RNF38: variants seen among roughly 807,000 people sequenced by gnomAD.
RNF38 encodes E3 ubiquitin-protein ligase RNF38.
In RNF38, 15 loss-of-function variants were observed where a neutral mutation model predicts 67.2. That is an observed-to-expected ratio of 0.22 (90% confidence interval 0.15 to 0.34). RNF38 has a LOEUF of 0.34. Ranked by LOEUF, RNF38 falls within the 10% of genes least tolerant of loss-of-function variation. The pLI, the probability that RNF38 is intolerant of heterozygous loss-of-function variation, is 1.00. For missense variants in RNF38, 524 were observed against 639.9 expected, an observed-to-expected ratio of 0.82 and a Z score of 1.95; for synonymous variants, 220 against 218.8, an observed-to-expected ratio of 1.01 and a Z score of -0.05.
At chr9:36,418,515 G>A (rs567470955) in intron 2 of RNF38, among the ~76,000 whole-genome samples, 2 of 145,314 alleles carry the variant, frequency 1.4e-5, no homozygotes, top group Admixed American at 7.3e-5. Context: ...GCTGGGCGCA[G>A]TGGCTCATGC....
chr9:36,382,480 T>A (rs764397187), intron 2 of RNF38, among the ~76,000 whole-genome samples: 1 of 152,176 alleles, frequency 6.6e-6, no homozygotes, highest in Non-Finnish European at 1.5e-5. Flanking sequence ...TAATTCCAGA[T>A]GAACAAGTCA....
chr9:36,361,638 GTTC>G (rs1834544869), intron 4 of RNF38, among the ~76,000 whole-genome samples: 1 of 152,148 alleles, frequency 6.6e-6, no homozygotes, highest in African/African-American at 2.4e-5. Flanking sequence ...AGTTCTGATA[GTTC>G]TTCACTTTCA....
At chr9:36,353,743 A>G (rs573137934) in intron 6 of RNF38, among the ~76,000 whole-genome samples, 1 of 152,338 alleles carries the variant, frequency 6.6e-6, no homozygotes, top group East Asian at 1.9e-4. Context: ...GCATTTATAA[A>G]TCAGAAACAG....
Position 36,395,228 on chromosome 9 carries a change from T to C in RNF38, c.13-4612A>G, listed in dbSNP as rs139331921. ...ACTTTTCTTGGAGACTTGCAGGTAT[T>C]ATTAGTAATTATCGCACTAAAATTA... On this transcript the variant is annotated intron_variant, in intron 1 of 11. Coordinates refer to ENST00000259605, the MANE Select transcript of RNF38 (RefSeq NM_022781.5). Among the ~76,000 whole-genome samples the C allele has an allele frequency of 9.9e-4, 151 of 152,316 alleles. 1 individual carries two copies. The highest frequency in any genetic ancestry group is 3.5e-3 in the Admixed American group (54 of 15,292).
intron 2 of RNF38, among the ~76,000 whole-genome samples, chr9:36,387,136 C>T (rs548624627): frequency 5.3e-4 from 80 of 152,124 alleles, no homozygotes; most frequent in Non-Finnish European, 9.8e-4. Context: ...CATGAATAAT[C>T]CACCCCGTGT....
At chr9:36,437,731 T>G (rs1443141881) in intron 1 of RNF38, among the ~76,000 whole-genome samples, 1 of 152,124 alleles carries the variant, frequency 6.6e-6, no homozygotes, top group Non-Finnish European at 1.5e-5. Flanking sequence ...TAAAGTAACT[T>G]GTCAAGATGG....
chr9:36,369,813 C>G lies in RNF38; in HGVS notation c.476G>C (p.Arg159Pro), dbSNP rs1207304243. ...AGATACATTCGGAGGGTGGAAGGCT[C>G]GAGGCTCCTCTATTGCTTGCTGCTG... The part of the protein sequence containing the change: ...YAQQQAIEEP[R>P]AFHPPNVSPR... Residue 159 changes from arginine to proline, a missense_variant, in exon 4 of 12, where the codon CGA becomes CCA. Physicochemically the swap from Arg to Pro is moderately radical, Grantham distance 103 (BLOSUM62 -2). Transcript: ENST00000259605. 2.5e-6 allele frequency: 4 copies of G among 1,613,734 alleles called. No individual in the cohort carries two copies. The highest frequency in any genetic ancestry group is 2.2e-5 in the East Asian group (1 of 44,876).
intron 1 of RNF38, among the ~76,000 whole-genome samples, chr9:36,397,011 ATGTG>A (rs55737922): frequency 7.0e-4 from 104 of 148,912 alleles, no homozygotes; most frequent in African/African-American, 1.0e-3. Flanking sequence ...TGCTTTATAT[ATGTG>A]TGTGTGTGTG....
chr9:36,439,784 C>CT (rs1233552392), intron 1 of RNF38, among the ~76,000 whole-genome samples: 2 of 125,840 alleles, frequency 1.6e-5, no homozygotes. Context: ...CAGTGAGACT[C>CT]TGTCTCAAAA....
chr9:36,471,015 G>A (rs778797182), intron 1 of RNF38, among the ~76,000 whole-genome samples: 4 of 152,028 alleles, frequency 2.6e-5, no homozygotes, highest in Non-Finnish European at 5.9e-5. Flanking sequence ...GGTGAACTAC[G>A]TACATATTTA....
upstream of RNF38, chr9:36,400,887 C>T (rs2134156202): frequency 1.0e-6 from 1 of 984,986 alleles, no homozygotes; most frequent in East Asian, 1.1e-4. Context: ...GGGCCCGGCC[C>T]GGCCACGCCC....
intron 4 of RNF38, among the ~76,000 whole-genome samples, chr9:36,369,099 C>T (rs1157534587): frequency 1.3e-5 from 2 of 152,134 alleles, no homozygotes; most frequent in African/African-American, 2.4e-5. Flanking sequence ...AACTGTCTTG[C>T]TTATTGAATT....
intron 1 of RNF38, among the ~76,000 whole-genome samples, chr9:36,464,539 C>T (rs370695717): frequency 6.6e-6 from 1 of 151,628 alleles, no homozygotes; most frequent in Non-Finnish European, 1.5e-5. Context: ...CCACTGTACT[C>T]CAGCCTGGGT....
rs1401404363 is a variant in RNF38 at position 36,369,844 on chromosome 9, A to G, written c.445T>C (p.Tyr149His). Residue 149 changes from tyrosine to histidine, a missense_variant, in exon 4 of 12, where the codon TAC (tyrosine) becomes CAC (histidine). This residue lies in a region of RNF38 where 461 missense variants were observed against 517.4 expected (regional missense o/e 0.89). Coordinates refer to ENST00000259605, the MANE Select transcript of RNF38 (RefSeq NM_022781.5). ...SQDENYHHLP[Y>H]AQQQAIEEPR... ...TCCTCTATTGCTTGCTGCTGTGCGT[A>G]AGGGAGATGGTGATAGTTTTCATCT... 6.2e-7 allele frequency: 1 copy of G among 1,613,916 alleles called. No homozygotes were observed. The highest frequency in any genetic ancestry group is 8.5e-7 in the Non-Finnish European group (1 of 1,180,016).
At chr9:36,476,458 T>C (rs911909545) in intron 1 of RNF38, among the ~76,000 whole-genome samples, 1 of 151,870 alleles carries the variant, frequency 6.6e-6, no homozygotes, top group Non-Finnish European at 1.5e-5. Flanking sequence ...AGCTGTCAAA[T>C]TGGTACAGCC....
At chr9:36,477,181 G>T (rs537095445) in intron 1 of RNF38, among the ~76,000 whole-genome samples, 1 of 151,702 alleles carries the variant, frequency 6.6e-6, no homozygotes, top group Non-Finnish European at 1.5e-5. Context: ...AAAATTAGCC[G>T]GGCGTGGTGG....
upstream of RNF38, among the ~76,000 whole-genome samples, chr9:36,405,457 T>G (rs1838155501): frequency 6.6e-6 from 1 of 152,184 alleles, no homozygotes; most frequent in African/African-American, 2.4e-5. Flanking sequence ...GTTTAGAATT[T>G]TTGCTTCTGT....
intron 2 of RNF38, among the ~76,000 whole-genome samples, chr9:36,414,578 C>CGG (rs2134209373): frequency 6.7e-6 from 1 of 150,258 alleles, no homozygotes; most frequent in Admixed American, 6.7e-5. Flanking sequence ...CCCAGCTACT[C>CGG]GGGAGGCTGA....
chr9:36,424,634 A>G, exon 2 of RNF38: 1 of 985,830 alleles, frequency 1.0e-6, no homozygotes, highest in African/African-American at 1.7e-5. Flanking sequence ...CATCATGACA[A>G]ATGTGGTCGT....
Sources: gnomAD v4.1 joint callset for allele counts (sites outside exome capture counted in the v4.1 genomes callset) on GRCh38, gnomAD v4.1.1 for gene constraint, gnomAD v4.1.1 regional missense constraint, MANE v1.5 for transcripts, NCBI Gene and HGNC (gene_info 2026-07-23, HGNC 2026-07-21) for gene names.